CD27: variants seen among roughly 807,000 people sequenced by gnomAD.
CD27 encodes the protein CD27 molecule.
CD27 carries 16 observed loss-of-function variants against 25.9 expected under a neutral mutation model. That is an observed-to-expected ratio of 0.62 (90% CI 0.42 to 0.94). The LOEUF (loss-of-function observed/expected upper bound fraction) is 0.94, where lower values mean the gene tolerates loss of function less well. CD27 is among the 40% of genes least tolerant of loss of function. The probability of loss-of-function intolerance (pLI) is 0.00; values close to 1 mark genes in which losing one functional copy is unlikely to be tolerated. For synonymous variants in CD27, 142 were observed against 124.3 expected, an observed-to-expected ratio of 1.14 and a Z score of -0.95; for missense variants, 300 against 333.2, an observed-to-expected ratio of 0.90 and a Z score of 0.78.
Position 6,450,166 on chromosome 12 carries a change from C to G in CD27, c.269-7C>G, listed in dbSNP as rs769168367. The G allele has an allele frequency of 6.2e-7, 1 of 1,609,080 alleles. No homozygotes were observed. The highest frequency in any genetic ancestry group is 8.5e-7 in the Non-Finnish European group (1 of 1,179,038). ...GTCCTATGCTCCCTGGGCCTCTCTT[C>G]CCCCAGGTCTTCTCGTTCGCAACTG... On this transcript the variant is annotated splice_polypyrimidine_tract_variant and splice_region_variant and intron_variant, in intron 2 of 5. Coordinates refer to ENST00000266557, the MANE Select transcript of CD27 (RefSeq NM_001242.5). The surrounding 1 kb of genome is among the most constrained non-coding windows in gnomAD (Gnocchi z 4.1).
At chr12:6,449,434 G>A (rs1399951451) in intron 2 of CD27, among the ~76,000 whole-genome samples, 7 of 148,980 alleles carry the variant, frequency 4.7e-5, no homozygotes, top group African/African-American at 9.9e-5. Context: ...TGCCTCACCC[G>A]GCTATTTTAT....
In CD27 at chr12:6,450,404, C is replaced by A; in HGVS notation, c.448+52C>A. ...ATCACGTGGGGTAGCGGTGATACCCCAACCAGTACTCCCCACTCCTACCCC... is the reference window on the plus strand; with the variant it reads ...ATCACGTGGGGTAGCGGTGATACCCAAACCAGTACTCCCCACTCCTACCCC... On this transcript the variant is annotated intron_variant, in intron 3 of 5. Coordinates refer to ENST00000266557, the MANE Select transcript of CD27 (RefSeq NM_001242.5). The surrounding 1 kb of genome is among the most constrained non-coding windows in gnomAD (Gnocchi z 4.1). 1.9e-6 allele frequency: 3 copies of A among 1,560,316 alleles called. No homozygotes were observed. The highest frequency in any genetic ancestry group is 2.6e-6 in the Non-Finnish European group (3 of 1,141,552).
Position 6,445,629 on chromosome 12 carries a change from G to A in CD27, c.268+74G>A. On this transcript the variant is annotated intron_variant, in intron 2 of 5. Transcript: ENST00000266557. This position sits in a 1 kb window ranked among gnomAD's most constrained non-coding sequence, Gnocchi z 4.5. ...GGGAGCAAGGCTGGTGACGGGTTTG[G>A]GGGTGCAAGGAGGATGACGGGGCCA... 6.4e-7 allele frequency: 1 copy of A among 1,551,856 alleles called. No individual in the cohort carries two copies. Among genetic ancestry groups the A allele is most frequent in the Admixed American group, 1.8e-5 (1 of 54,304 alleles).
At position 6,451,441 on chromosome 12, in the gene CD27, C is replaced by G. The variant is rs774902396; in HGVS notation, c.*49C>G. 2 of 1,581,888 alleles carry G rather than the reference C, an allele frequency of 1.3e-6. No homozygotes were observed. Among genetic ancestry groups the G allele is most frequent in the South Asian group, 2.3e-5 (2 of 86,902 alleles). On this transcript the variant is annotated 3_prime_UTR_variant, in exon 6 of 6. Transcript: ENST00000266557. ...TACAGCCCTGGCCTCCACCCCCACC[C>G]CGCCGACCATCCAAGGGAGAGTGAG...
Position 6,450,656 on chromosome 12 carries a change from G to A in CD27, c.538+26G>A, listed in dbSNP as rs749601699. 1.9e-6 allele frequency: 3 copies of A among 1,595,828 alleles called. No individual in the cohort carries two copies. The highest frequency in any genetic ancestry group is 2.6e-6 in the Non-Finnish European group (3 of 1,167,646). On this transcript the variant is annotated intron_variant, in intron 4 of 5. Coordinates refer to ENST00000266557, the MANE Select transcript of CD27 (RefSeq NM_001242.5). The surrounding 1 kb of genome is among the most constrained non-coding windows in gnomAD (Gnocchi z 4.1). ...GTGAGTTTTCTCCTTAATCCCCACCGCTAGAGAGAATGCATACACGAGGGG... is the reference window on the plus strand; with the variant it reads ...GTGAGTTTTCTCCTTAATCCCCACCACTAGAGAGAATGCATACACGAGGGG...
upstream of CD27, among the ~76,000 whole-genome samples, chr12:6,444,098 C>A (rs112845907): frequency 9.9e-5 from 15 of 152,246 alleles, 1 homozygote; most frequent in African/African-American, 3.4e-4. Context: ...ATCCAGGACA[C>A]CAGTGACTGA....
At chr12:6,449,120 C>T (rs1434648224) in intron 2 of CD27, among the ~76,000 whole-genome samples, 1 of 151,390 alleles carries the variant, frequency 6.6e-6, no homozygotes, top group Non-Finnish European at 1.5e-5. Flanking sequence ...CTCAGCCTCC[C>T]CAGTAGCTTG....
intron 5 of CD27, 97 bp downstream of exon 5, chr12:6,451,111 A>T (rs918987854): frequency 6.4e-6 from 10 of 1,573,202 alleles, no homozygotes; most frequent in Middle Eastern, 1.9e-4. Flanking sequence ...GAAACCCACC[A>T]GCTCCACTTC....
In CD27 at chr12:6,449,758, G is replaced by A. The variant is rs571606016; in HGVS notation, c.269-415G>A. ...CCAGCTACTTGGGAGGCTGAGGCAG[G>A]AGAATTGCTTGAACCCGGGAGGCAG... On this transcript the variant is annotated intron_variant, in intron 2 of 5. Transcript: ENST00000266557. Among the ~76,000 whole-genome samples, 11 of 152,074 alleles carry A rather than the reference G, an allele frequency of 7.2e-5. No individual in the cohort carries two copies. In the South Asian group the frequency reaches 1.9e-3, roughly 26 times the overall value.
chr12:6,451,287 G>A lies in CD27; in HGVS notation c.678G>A (p.Val226=). The stretch of plus-strand genomic sequence containing the variant: ...CTGCAGACAAAGGAGAAAGTCCTGT[G>A]GAGCCTGCAGAGCCTTGTCATTACA... ...KYRSNKGESP[V]EPAEPCHYSC... is the part of the protein sequence containing the mutation. Residue 226 remains valine (V), a synonymous_variant, in exon 6 of 6, where the codon GTG becomes GTA. Transcript: ENST00000266557. 1.8e-5 allele frequency: 29 copies of A among 1,614,012 alleles called. No homozygotes were observed. The highest frequency in any genetic ancestry group is 2.4e-5 in the Non-Finnish European group (28 of 1,179,938).
intron 2 of CD27, among the ~76,000 whole-genome samples, chr12:6,449,027 A>G (rs1213531717): frequency 6.7e-6 from 1 of 149,318 alleles, no homozygotes; most frequent in East Asian, 2.0e-4. Flanking sequence ...ACAGGATCTC[A>G]CTCTGTCACC....
rs1949408757 is a variant in CD27 at position 6,445,876 on chromosome 12, C to A, written c.268+321C>A. ...AGATTTCGGGCAAGCAACCCCCAAC[C>A]AATAAACTGACTGTGTTCCCAGAGT... On this transcript the variant is annotated intron_variant, in intron 2 of 5. Transcript: ENST00000266557. The surrounding 1 kb of genome is among the most constrained non-coding windows in gnomAD (Gnocchi z 4.5). 6.6e-6 allele frequency among the ~76,000 whole-genome samples: 1 copy of A among 152,120 alleles called. No homozygotes were observed. The highest frequency in any genetic ancestry group is 2.1e-4 in the South Asian group (1 of 4,828).
chr12:6,446,104 T>A (rs770383762), intron 2 of CD27, among the ~76,000 whole-genome samples: 1 of 152,256 alleles, frequency 6.6e-6, no homozygotes, highest in Non-Finnish European at 1.5e-5. Flanking sequence ...GTTGTGCTTA[T>A]GAATGCTGTT....
Position 6,445,628 on chromosome 12 carries a change from G to C in CD27, c.268+73G>C. ...GGGGAGCAAGGCTGGTGACGGGTTT[G>C]GGGGTGCAAGGAGGATGACGGGGCC... On this transcript the variant is annotated intron_variant, in intron 2 of 5. Coordinates refer to ENST00000266557, the MANE Select transcript of CD27 (RefSeq NM_001242.5). The surrounding 1 kb of genome is among the most constrained non-coding windows in gnomAD (Gnocchi z 4.5). 4 of 1,551,422 alleles carry C rather than the reference G, an allele frequency of 2.6e-6. No individual in the cohort carries two copies. In the African/African-American group the frequency reaches 5.4e-5, roughly 21 times the overall value.
At chr12:6,446,796 AC>A (rs1949422485) in intron 2 of CD27, among the ~76,000 whole-genome samples, 1 of 151,364 alleles carries the variant, frequency 6.6e-6, no homozygotes, top group African/African-American at 2.4e-5. Flanking sequence ...ACACACACAC[AC>A]ACAAAAAGCC....
intron 5 of CD27, 102 bp from the exon 6 acceptor site, chr12:6,451,166 C>T: frequency 6.5e-7 from 1 of 1,533,952 alleles, no homozygotes; most frequent in Non-Finnish European, 8.9e-7. Flanking sequence ...CTGGCGTGCT[C>T]CTGACACCCC....
intron 2 of CD27, among the ~76,000 whole-genome samples, chr12:6,446,439 T>C (rs11569368): frequency 0.018 from 2,749 of 152,238 alleles, 83 homozygotes; most frequent in African/African-American, 0.061. Flanking sequence ...AGTGCCAGGA[T>C]TACAGGTGTG....
At chr12:6,451,223 C>T (rs1949539215) in intron 5 of CD27, 45 bp from the exon 6 acceptor site, 1 of 1,604,018 alleles carries the variant, frequency 6.2e-7, no homozygotes, top group Non-Finnish European at 8.5e-7. Context: ...CCCGTCTCCC[C>T]CTGCCCCCAC....
chr12:6,448,928 T>C (rs1309481012), intron 2 of CD27: 1 of 151,920 alleles, frequency 6.6e-6, no homozygotes, highest in Admixed American at 6.6e-5. Flanking sequence ...TGACTCCCCA[T>C]TTCTTCCCCC....
Sources: allele counts gnomAD v4.1 joint callset (sites outside exome capture counted in the v4.1 genomes callset), GRCh38; gene constraint gnomAD v4.1.1; non-coding constraint Gnocchi (gnomAD v3.1); transcripts MANE v1.5; gene names NCBI Gene and HGNC (gene_info 2026-07-23, HGNC 2026-07-21).